ALDH1A1: variants seen among roughly 807,000 people sequenced by gnomAD.
ALDH1A1 encodes aldehyde dehydrogenase 1A1.
In ALDH1A1, 19 loss-of-function variants were observed where a neutral mutation model predicts 62.1. The ratio of observed to expected loss-of-function variants is 0.31; its 90% CI spans 0.21 to 0.45. The LOEUF is 0.45. Among genes scored for constraint, ALDH1A1 ranks in the 20% least tolerant of loss-of-function variants. The pLI, the probability that ALDH1A1 is intolerant of heterozygous loss-of-function variation, is 1.00. For synonymous variants in ALDH1A1, 231 were observed against 215.9 expected (o/e 1.07, Z -0.61); for missense variants, 521 against 607.1 (o/e 0.86, Z 1.49).
intron 7 of ALDH1A1, among the ~76,000 whole-genome samples, chr9:72,920,786 T>C (rs1830130315): frequency 6.6e-6 from 1 of 152,242 alleles, no homozygotes; most frequent in African/African-American, 2.4e-5. Context: ...GTTTATCATT[T>C]TTCTCAAAGG....
intron 4 of ALDH1A1, among the ~76,000 whole-genome samples, chr9:72,927,921 T>C (rs1490691328): frequency 1.3e-5 from 2 of 151,594 alleles, no homozygotes; most frequent in African/African-American, 2.4e-5. Flanking sequence ...GAGAGATACA[T>C]TATGCTTTAC....
At chr9:72,942,066 T>C (rs1033820548) in intron 1 of ALDH1A1, among the ~76,000 whole-genome samples, 2 of 152,148 alleles carry the variant, frequency 1.3e-5, no homozygotes, top group African/African-American at 2.4e-5. Context: ...ATAAAATTCA[T>C]TGTATTATCT....
intron 9 of ALDH1A1, 49 bp downstream of exon 9, chr9:72,916,871 A>C (rs769182210): frequency 1.7e-5 from 24 of 1,444,390 alleles, no homozygotes; most frequent in Non-Finnish European, 2.2e-5. Context: ...TAAAGAGGAT[A>C]CTTTATTCCT....
intron 8 of ALDH1A1, among the ~76,000 whole-genome samples, chr9:72,918,292 A>G (rs912334586): frequency 1.3e-5 from 2 of 152,230 alleles, no homozygotes; most frequent in Non-Finnish European, 2.9e-5. Flanking sequence ...ATTTCATTTA[A>G]TGAGTGTATG....
intron 9 of ALDH1A1, among the ~76,000 whole-genome samples, chr9:72,913,896 T>C (rs745457639): frequency 2.2e-4 from 34 of 152,184 alleles, no homozygotes; most frequent in Non-Finnish European, 2.6e-4. Flanking sequence ...AAACAAAAAA[T>C]TAGGCTCTAC....
chr9:72,912,156 G>A lies in ALDH1A1; in HGVS notation c.1036-34C>T, dbSNP rs1384480633. 2.5e-6 allele frequency: 4 copies of A among 1,581,232 alleles called. No individual in the cohort carries two copies. The East Asian group carries it at 9.0e-5, about 35-fold the overall frequency. ...AAAATATCACATGAAAAGAAAAAAA[G>A]TAGTCACTTGTAAAGATAACACATT... is the stretch of plus-strand genomic sequence containing the variant. On this transcript the variant is annotated intron_variant, in intron 9 of 12. Transcript: ENST00000297785.
intron 5 of ALDH1A1, 53 bp from the exon 6 acceptor site, chr9:72,925,665 C>G: frequency 6.3e-7 from 1 of 1,579,108 alleles, no homozygotes; most frequent in Non-Finnish European, 8.6e-7. Flanking sequence ...GGCATATTTG[C>G]TAATCCAACT....
chr9:72,931,506 C>T (rs1030867040), intron 2 of ALDH1A1, among the ~76,000 whole-genome samples: 2 of 152,160 alleles, frequency 1.3e-5, no homozygotes, highest in Admixed American at 1.3e-4. Context: ...CTGTTTACCA[C>T]ACATTATACT....
chr9:72,943,554 C>A (rs1830441171), intron 1 of ALDH1A1, among the ~76,000 whole-genome samples: 1 of 152,078 alleles, frequency 6.6e-6, no homozygotes, highest in South Asian at 2.1e-4. Flanking sequence ...GTAGAGGACC[C>A]CAAATTACCA....
chr9:72,915,341 A>C (rs907369919), intron 9 of ALDH1A1, among the ~76,000 whole-genome samples: 1 of 152,178 alleles, frequency 6.6e-6, no homozygotes, highest in Admixed American at 6.6e-5. Context: ...ACAATTAGGC[A>C]TTAGGTATCT....
rs1387980342 is a variant in ALDH1A1 at position 72,917,111 on chromosome 9, A to G, written c.851-7T>C. 1.3e-6 allele frequency: 2 copies of G among 1,513,284 alleles called. No homozygotes were observed. The allele number at this position is 1,513,284 out of a possible 1,614,324, so 93.7% of individuals were successfully genotyped here. A position where few individuals can be genotyped will look rare whatever the true frequency, so the allele number is the denominator to read the frequency against. On this transcript the variant is annotated splice_polypyrimidine_tract_variant and splice_region_variant and intron_variant, in intron 8 of 12. Coordinates refer to ENST00000297785, the MANE Select transcript of ALDH1A1 (RefSeq NM_000689.5). ...AATTCAACAGCATTGTCCACTGCGA[A>G]GAAGACATTCACATTAAAGATATAT...
intron 1 of ALDH1A1, among the ~76,000 whole-genome samples, chr9:72,942,617 G>T (rs189089446): frequency 6.6e-6 from 1 of 152,186 alleles, no homozygotes; most frequent in East Asian, 1.9e-4. Flanking sequence ...TGCTTAACAT[G>T]GCACTGGAGG....
intron 10 of ALDH1A1, among the ~76,000 whole-genome samples, chr9:72,911,444 A>G (rs762451638): frequency 3.9e-5 from 6 of 152,130 alleles, no homozygotes; most frequent in Non-Finnish European, 5.9e-5. Flanking sequence ...GATATTTACG[A>G]TAGCTCTCTT....
rs200764016 is a variant in ALDH1A1 at position 72,916,911 on chromosome 9, T to C, written c.1035+9A>G. The stretch of plus-strand genomic sequence containing the variant: ...CCTGAAAATGCTATCCTTTCTATTT[T>C]ATACTTACCTGAGGGCCTTGAGTGA... On this transcript the variant is annotated intron_variant, in intron 9 of 12. Transcript: ENST00000297785. 64 of 1,596,514 alleles carry C rather than the reference T, an allele frequency of 4.0e-5. No homozygotes were observed. The East Asian group carries it at 1.3e-3, about 34-fold the overall frequency.
At chr9:72,942,176 T>C (rs1830422551) in intron 1 of ALDH1A1, 1 of 521,576 alleles carries the variant, frequency 1.9e-6, no homozygotes, top group Non-Finnish European at 2.5e-6. Context: ...ATCAACACTC[T>C]AGCTATCAGA....
intron 3 of ALDH1A1, among the ~76,000 whole-genome samples, chr9:72,930,512 C>G (rs978082787): frequency 1.3e-5 from 2 of 152,074 alleles, no homozygotes; most frequent in African/African-American, 4.8e-5. Context: ...CAAAAGAGCT[C>G]AGTGGTCAAA....
At chr9:72,951,981 G>A (rs377125394) in intron 1 of ALDH1A1, among the ~76,000 whole-genome samples, 19 of 151,880 alleles carry the variant, frequency 1.3e-4, no homozygotes, top group East Asian at 7.7e-4. Flanking sequence ...TACAAGTGAG[G>A]AAATAAATAT....
intron 6 of ALDH1A1, 52 bp downstream of exon 6, chr9:72,925,432 G>T (rs1830192661): frequency 2.5e-6 from 4 of 1,593,368 alleles, no homozygotes; most frequent in Non-Finnish European, 3.4e-6. Flanking sequence ...TCTTCCTATT[G>T]TAATTTAGGA....
At chr9:72,908,581 AAGAAAGAAAGAAAGAAAGAAAG>A (rs1446336872) in intron 11 of ALDH1A1, among the ~76,000 whole-genome samples, 14 of 133,602 alleles carry the variant, frequency 1.0e-4, no homozygotes, top group African/African-American at 3.1e-4. Context: ...GAAAGAAAGA[AAGAAAGAAAGAAAGAAAGAAAG>A]AAAGAAAGAA....
Sources: allele counts gnomAD v4.1 joint callset (sites outside exome capture counted in the v4.1 genomes callset), GRCh38; gene constraint gnomAD v4.1.1; transcripts MANE v1.5; gene names NCBI Gene and HGNC (gene_info 2026-07-23, HGNC 2026-07-21).